Variants in MICALL2 observed in about 807,000 individuals in gnomAD.
MICALL2 encodes the protein MICAL-like protein 2.
A neutral mutation model predicts 91.1 loss-of-function variants in MICALL2; 111 were observed. The observed-to-expected ratio is 1.22, with a 90% CI of 1.04 to 1.43. MICALL2 has a LOEUF of 1.43. MICALL2 is among the 40% of genes most tolerant of loss of function. The probability of loss-of-function intolerance (pLI) is 0.00; values close to 1 mark genes in which losing one functional copy is unlikely to be tolerated. For synonymous variants in MICALL2, 694 were observed against 525.3 expected, an observed-to-expected ratio of 1.32 and a Z score of -4.39; for missense variants, 1,556 against 1,236.0, an observed-to-expected ratio of 1.26 and a Z score of -3.88.
chr7:1,446,897 G>A, intron 4 of MICALL2, 69 bp from the exon 5 acceptor site: 2 of 1,154,078 alleles, frequency 1.7e-6, no homozygotes, highest in South Asian at 3.0e-5. Flanking sequence ...GCAGCCCACA[G>A]GTGGCCGGAA....
At position 1,442,347 on chromosome 7, in the gene MICALL2, G is replaced by A. The variant is rs4075307; in HGVS notation, c.1556C>T (p.Pro519Leu). ...CTGAGAGGTACTGCTCGTGCTCAGC[G>A]GGGCTGGCGGTTCCATCCTCGAAGG... ...GLPSRMEPPA[P>L]LSTSSTSQAS... The change falls in exon 7 of 17, where the codon CCG (proline) becomes CTG (leucine). Residue 519 changes from proline (P) to leucine (L), a missense_variant. Pro to Leu is a moderately conservative substitution (Grantham distance 98, BLOSUM62 -3). Coordinates refer to ENST00000297508, the MANE Select transcript of MICALL2 (RefSeq NM_182924.4). 8,981 of 1,612,746 alleles carry A rather than the reference G, an allele frequency of 5.6e-3. 450 individuals carry two copies. The African/African-American group carries it at 0.1, about 19-fold the overall frequency.
At position 1,450,902 on chromosome 7, in the gene MICALL2, A is replaced by G. The variant is rs570743153; in HGVS notation, c.144-614T>C. Among the ~76,000 whole-genome samples, 9 of 152,016 alleles carry G rather than the reference A, an allele frequency of 5.9e-5. No homozygotes were observed. The East Asian group carries it at 1.7e-3, about 29-fold the overall frequency. ...CCTTCTCAGCGCTTCACAAATACCA[A>G]CCTAAGGCTCACACCCGACCTGTGG... On this transcript the variant is annotated intron_variant, in intron 1 of 16. Coordinates refer to ENST00000297508, the MANE Select transcript of MICALL2 (RefSeq NM_182924.4).
At chr7:1,441,662 C>G (rs1780283394) in intron 7 of MICALL2, 1 of 165,514 alleles carries the variant, frequency 6.0e-6, no homozygotes, top group African/African-American at 2.4e-5. Flanking sequence ...ACCAGGGGGA[C>G]AGGGCATACT....
At chr7:1,441,509 G>A (rs1472831949) in intron 7 of MICALL2, 2 of 153,102 alleles carry the variant, frequency 1.3e-5, no homozygotes, top group African/African-American at 4.8e-5. Context: ...AACACGTGAG[G>A]CCATAAAACA....
rs117357565 is a variant in MICALL2, at chr7:1,451,587, T to C, written c.144-1299A>G. 1.0e-3 allele frequency among the ~76,000 whole-genome samples: 156 copies of C among 152,282 alleles called. 3 individuals are homozygous for C. The East Asian group carries it at 0.023, about 23-fold the overall frequency. On this transcript the variant is annotated intron_variant, in intron 1 of 16. Coordinates refer to ENST00000297508, the MANE Select transcript of MICALL2 (RefSeq NM_182924.4). The surrounding 1 kb of genome is among the most constrained non-coding windows in gnomAD (Gnocchi z 4.5). Reference sequence around the variant, plus strand: ...GACAGCAGCTGCTGCCATGTCAGCGTGAACTGGACTGTTCTAGAAGCTTCC... The same window carrying C: ...GACAGCAGCTGCTGCCATGTCAGCGCGAACTGGACTGTTCTAGAAGCTTCC...
chr7:1,438,344 A>T lies in MICALL2; in HGVS notation c.2132T>A (p.Leu711Ter). The change falls in exon 11 of 17, where the codon TTG (leucine) becomes TAG (stop). Residue 711 changes from leucine to a stop codon, truncating the protein, a stop_gained. Transcript: ENST00000297508. LOFTEE classifies it high-confidence loss of function. The stretch of plus-strand genomic sequence containing the variant: ...CAGAGCAGGGACATTGGCCGGGGAC[A>T]AGGGTCTCCCTGGAGAAGGAGCAGG... Reference protein sequence around the residue: ...PHLQGKPGRPLSPANVPALPG... With the variant: ...PHLQGKPGRP 1 of 1,603,068 alleles carries T rather than the reference A, an allele frequency of 6.2e-7. No individual in the cohort carries two copies. The highest frequency in any genetic ancestry group is 8.5e-7 in the Non-Finnish European group (1 of 1,176,214).
intron 16 of MICALL2, 41 bp from the exon 17 acceptor site, chr7:1,434,713 AGCCGCACAGCCGTG>A (rs778779624): frequency 7.3e-6 from 11 of 1,508,496 alleles, no homozygotes; most frequent in Non-Finnish European, 8.9e-6. Flanking sequence ...TCAACGCCGC[AGCCGCACAGCCGTG>A]GCCCACACAA....
intron 3 of MICALL2, 101 bp downstream of exon 3, chr7:1,448,519 G>A (rs879513320): frequency 9.1e-6 from 10 of 1,100,832 alleles, no homozygotes; most frequent in Admixed American, 3.7e-5. Flanking sequence ...TTCTTGGGGG[G>A]GGGGCTGGGC....
At chr7:1,437,507 C>T (rs111643610) in intron 14 of MICALL2, 28 bp downstream of exon 14, 109,598 of 1,501,348 alleles carry the variant, frequency 0.073, 4,369 homozygotes, top group Middle Eastern at 0.12. Flanking sequence ...CTGGCTGGGG[C>T]CCCTTGGCTG....
chr7:1,440,850 G>C, intron 7 of MICALL2, 166 bp from the exon 8 acceptor site: 1 of 615,936 alleles, frequency 1.6e-6, no homozygotes, highest in South Asian at 1.8e-5. Context: ...CAGGGAGTCA[G>C]GGGAGGGGCT....
At chr7:1,437,410 G>T in intron 14 of MICALL2, 125 bp downstream of exon 14, 2 of 765,622 alleles carry the variant, frequency 2.6e-6, no homozygotes, top group Non-Finnish European at 3.9e-6. Context: ...ACGTGGGCTC[G>T]CCTGGCTCCA....
At position 1,445,151 on chromosome 7, in the gene MICALL2, C is replaced by A; in HGVS notation, c.919G>T (p.Ala307Ser). 6.4e-7 allele frequency: 1 copy of A among 1,573,692 alleles called. No individual in the cohort carries two copies. The highest frequency in any genetic ancestry group is 8.6e-7 in the Non-Finnish European group (1 of 1,160,622). Reference sequence around the variant, plus strand: ...TGGACGGACGTGGCGCTGGTGGCTGCAGGGTTGGGTGCAGCTGGAACGGAA... The same window carrying A: ...TGGACGGACGTGGCGCTGGTGGCTGAAGGGTTGGGTGCAGCTGGAACGGAA... The part of the protein sequence containing the change: ...RASVPAAPNP[A>S]ATSATSVHVR... Residue 307 changes from alanine (A) to serine (S), a missense_variant, in exon 6 of 17, where the codon GCA becomes TCA. By Grantham distance (99) the Ala-to-Ser change is moderately conservative (BLOSUM62 1). Transcript: ENST00000297508.
Position 1,434,983 on chromosome 7 carries a change from C to CCG in MICALL2, c.2638+116_2638+117dup, listed in dbSNP as rs1243607279. 3 of 452,384 alleles carry CCG rather than the reference C, an allele frequency of 6.6e-6. No individual in the cohort carries two copies. In the East Asian group the frequency reaches 1.2e-4, roughly 18 times the overall value. 28.0% of individuals were successfully genotyped at this position (452,384 alleles called of 1,614,324 possible). On this transcript the variant is annotated intron_variant, in intron 16 of 16. Transcript: ENST00000297508. ...CAAGGCTGAGGGGGGGACCCGATAC[C>CCG]CGCCCCCCCCCCACCCCCAGCTGGA...
At chr7:1,453,474 T>G (rs1477213466) in intron 1 of MICALL2, among the ~76,000 whole-genome samples, 2 of 152,026 alleles carry the variant, frequency 1.3e-5, no homozygotes, top group Admixed American at 6.5e-5. Context: ...GTCCGGGACG[T>G]TGGCCTGCAG....
chr7:1,457,166 G>A (rs1302855938), intron 1 of MICALL2, among the ~76,000 whole-genome samples: 1 of 152,096 alleles, frequency 6.6e-6, no homozygotes, highest in Non-Finnish European at 1.5e-5. Flanking sequence ...TCTGCACGTG[G>A]GCACCTACTA....
chr7:1,449,756 T>C (rs1413348731), intron 2 of MICALL2, among the ~76,000 whole-genome samples: 1 of 152,200 alleles, frequency 6.6e-6, no homozygotes, highest in Admixed American at 6.5e-5. Context: ...TGGTGCTTAT[T>C]CTGCAGCAGG....
chr7:1,437,290 G>C, intron 14 of MICALL2: 1 of 544,608 alleles, frequency 1.8e-6, no homozygotes, highest in Non-Finnish European at 3.2e-6. Flanking sequence ...AGCTGCGTGA[G>C]GTGGGTGCTA....
intron 2 of MICALL2, among the ~76,000 whole-genome samples, chr7:1,449,468 C>G (rs1584228286): frequency 6.6e-6 from 1 of 152,220 alleles, no homozygotes; most frequent in South Asian, 2.1e-4. Flanking sequence ...CACCACCACG[C>G]CCCACTAATT....
chr7:1,440,683 G>T lies in MICALL2; in HGVS notation c.1713C>A (p.Asp571Glu). ...AKGKSTTLTQDMSTSLQEGQE... is the reference protein window; with the variant it reads ...AKGKSTTLTQEMSTSLQEGQE... ...GGCCTTCCTGGAGGCTGGTGCTCAT[G>T]TCTGGGTGGGAGGCAAGGGGTCTGG... The change falls in exon 8 of 17, where the codon GAC becomes GAA. Residue 571 changes from aspartate to glutamate, a missense_variant and splice_region_variant. Coordinates refer to ENST00000297508, the MANE Select transcript of MICALL2 (RefSeq NM_182924.4). The T allele has an allele frequency of 6.2e-7, 1 of 1,611,156 alleles. No homozygotes were observed. The highest frequency in any genetic ancestry group is 8.5e-7 in the Non-Finnish European group (1 of 1,179,640).
Sources: allele counts gnomAD v4.1 joint callset (sites outside exome capture counted in the v4.1 genomes callset), GRCh38; gene constraint gnomAD v4.1.1; non-coding constraint Gnocchi (gnomAD v3.1); transcripts MANE v1.5; gene names NCBI Gene and HGNC (gene_info 2026-07-23, HGNC 2026-07-21).